The following COL5A1 variants were observed in gnomAD, a reference collection of about 807,000 sequenced individuals.
COL5A1 encodes collagen alpha-1(V) chain.
COL5A1 carries 16 observed loss-of-function variants against 263.7 expected under a neutral mutation model. The observed-to-expected ratio is 0.06, with a 90% CI of 0.04 to 0.09. The LOEUF is 0.09. COL5A1 is among the 10% of genes least tolerant of loss of function. The pLI, the probability that COL5A1 is intolerant of heterozygous loss-of-function variation, is 1.00. For missense variants in COL5A1, 2,036 were observed against 2,540.5 expected (o/e 0.80, Z 4.27); for synonymous variants, 1,012 against 1,004.5 (o/e 1.01, Z -0.14).
chr9:134,690,264 G>A (rs1007623457), intron 1 of COL5A1, among the ~76,000 whole-genome samples: 2 of 152,096 alleles, frequency 1.3e-5, no homozygotes, highest in African/African-American at 2.4e-5. Context: ...CTGCACACCC[G>A]CTGTAAACGG....
At chr9:134,751,548 G>A (rs566695536) in intron 13 of COL5A1, among the ~76,000 whole-genome samples, 2 of 152,258 alleles carry the variant, frequency 1.3e-5, no homozygotes, top group East Asian at 1.9e-4. Flanking sequence ...AGCAGGGTCC[G>A]CAGAGGAGCA....
In COL5A1 at chr9:134,842,546, C is replaced by A; in HGVS notation, c.*243C>A. 1 of 599,388 alleles carries A rather than the reference C, an allele frequency of 1.7e-6. No individual in the cohort carries two copies. Among genetic ancestry groups the A allele is most frequent in the East Asian group, 2.8e-5 (1 of 35,326 alleles). The allele number at this position is 599,388 out of a possible 1,614,324, so 37.1% of individuals were successfully genotyped here. A position where few individuals can be genotyped will look rare whatever the true frequency, so the allele number is the denominator to read the frequency against. On this transcript the variant is annotated 3_prime_UTR_variant, in exon 66 of 66. Transcript: ENST00000371817. The surrounding 1 kb of genome is among the most constrained non-coding windows in gnomAD (Gnocchi z 5.8). ...CTAGCTGCACCCCAGCGCCTGGGCC[C>A]GCCCCACGCTCTGTCCACACCCACG...
intron 1 of COL5A1, among the ~76,000 whole-genome samples, chr9:134,683,636 C>T (rs555918415): frequency 5.9e-5 from 9 of 152,336 alleles, no homozygotes; most frequent in African/African-American, 1.9e-4. Flanking sequence ...TCAGCAAACA[C>T]GGCTGAGTGC....
At chr9:134,719,421 C>A (rs527309886) in intron 4 of COL5A1, among the ~76,000 whole-genome samples, 1 of 152,234 alleles carries the variant, frequency 6.6e-6, no homozygotes, top group Non-Finnish European at 1.5e-5. Context: ...GACACATGCA[C>A]GCACACGTAT....
At chr9:134,771,592 T>A (rs1300254749) in intron 25 of COL5A1, among the ~76,000 whole-genome samples, 1 of 152,212 alleles carries the variant, frequency 6.6e-6, no homozygotes, top group African/African-American at 2.4e-5. Context: ...AACTTAAAAG[T>A]CACACACGAA....
chr9:134,803,174 C>T (rs563344911), intron 39 of COL5A1, among the ~76,000 whole-genome samples, 179 bp downstream of exon 39: 27 of 152,310 alleles, frequency 1.8e-4, no homozygotes, highest in Admixed American at 1.5e-3. Flanking sequence ...CTCCAGGAGT[C>T]GCGCTGACCT....
intron 1 of COL5A1, among the ~76,000 whole-genome samples, chr9:134,690,398 T>A (rs1243553137): frequency 6.6e-6 from 1 of 152,142 alleles, no homozygotes; most frequent in Non-Finnish European, 1.5e-5. Context: ...GCAGGGCAGA[T>A]GTTGTGACCC....
rs558050636 is a variant in COL5A1 at position 134,741,631 on chromosome 9, G to T, written c.1494+2823G>T. ...CAGGAGGGTGGGGTGGGAGGAGGGG[G>T]TAATGCCCTGCTTTTAGGCAGAAGA... On this transcript the variant is annotated intron_variant, in intron 11 of 65. Coordinates refer to ENST00000371817, the MANE Select transcript of COL5A1 (RefSeq NM_000093.5). This position sits in a 1 kb window ranked among gnomAD's most constrained non-coding sequence, Gnocchi z 4.5. Among the ~76,000 whole-genome samples, 62 of 152,224 alleles carry T rather than the reference G, an allele frequency of 4.1e-4. No individual in the cohort carries two copies. Among genetic ancestry groups the T allele is most frequent in the African/African-American group, 1.5e-3 (62 of 41,522 alleles).
intron 26 of COL5A1, among the ~76,000 whole-genome samples, chr9:134,774,156 C>G (rs994917469): frequency 7.9e-5 from 12 of 152,246 alleles, no homozygotes; most frequent in African/African-American, 2.9e-4. Context: ...TCCTGAGTTC[C>G]TCTATGTGCC....
intron 4 of COL5A1, among the ~76,000 whole-genome samples, chr9:134,704,980 A>G (rs1833791261): frequency 6.6e-6 from 1 of 152,202 alleles, no homozygotes; most frequent in Non-Finnish European, 1.5e-5. Flanking sequence ...TGGCTGCTCT[A>G]GAAGGCTCTA....
chr9:134,777,936 C>T (rs1157970725), intron 27 of COL5A1, among the ~76,000 whole-genome samples: 9 of 152,250 alleles, frequency 5.9e-5, no homozygotes, highest in South Asian at 2.1e-4. Flanking sequence ...GCCACACCTG[C>T]GATTTTCCTG....
chr9:134,747,125 A>G (rs532110075), intron 11 of COL5A1, among the ~76,000 whole-genome samples: 1 of 152,332 alleles, frequency 6.6e-6, no homozygotes, highest in African/African-American at 2.4e-5. Context: ...GGAAGGGTTC[A>G]TGGGGGTGGC....
At chr9:134,784,930 G>A in intron 29 of COL5A1, 59 bp from the exon 30 acceptor site, 1 of 1,312,846 alleles carries the variant, frequency 7.6e-7, no homozygotes, top group Admixed American at 1.7e-5. Context: ...CAGAATGGTG[G>A]TGGAGAATAG....
Position 134,804,756 on chromosome 9 carries a change from G to A in COL5A1, c.3115-219G>A, listed in dbSNP as rs189025205. On this transcript the variant is annotated intron_variant, in intron 39 of 65. Coordinates refer to ENST00000371817, the MANE Select transcript of COL5A1 (RefSeq NM_000093.5). Reference sequence around the variant, plus strand: ...ACCCAAGTCCAGGAGTGTCTGATGAGAAGGCCCCGACCCTTGGCCTTGCTC... The same window carrying A: ...ACCCAAGTCCAGGAGTGTCTGATGAAAAGGCCCCGACCCTTGGCCTTGCTC... Among the ~76,000 whole-genome samples, 10 of 152,344 alleles carry A rather than the reference G, an allele frequency of 6.6e-5. No individual in the cohort carries two copies. The East Asian group carries it at 1.7e-3, about 27-fold the overall frequency.
At chr9:134,699,354 T>C (rs1258282684) in intron 2 of COL5A1, among the ~76,000 whole-genome samples, 1 of 152,238 alleles carries the variant, frequency 6.6e-6, no homozygotes, top group Non-Finnish European at 1.5e-5. Flanking sequence ...TTTCCACTTT[T>C]TCTCTGTTTT....
At chr9:134,792,836 TGTATGTGTGTGTGCGCACAC>T (rs1837752811) in intron 32 of COL5A1, among the ~76,000 whole-genome samples, 1 of 75,150 alleles carries the variant, frequency 1.3e-5, no homozygotes, top group African/African-American at 4.6e-5. Flanking sequence ...TGTATGCATG[TGTATGTGTGTGTGCGCACAC>T]GTGTGTGTGC....
intron 16 of COL5A1, among the ~76,000 whole-genome samples, chr9:134,756,159 C>G (rs1254956155): frequency 6.6e-6 from 1 of 152,150 alleles, no homozygotes; most frequent in Admixed American, 6.5e-5. Context: ...GCCCCATGGC[C>G]AGTCAGTTGG....
At chr9:134,802,572 G>GCCTGT (rs1838152502) in intron 38 of COL5A1, among the ~76,000 whole-genome samples, 1 of 152,204 alleles carries the variant, frequency 6.6e-6, no homozygotes. Context: ...CCCATCCTTG[G>GCCTGT]CCTGTCCTGT....
chr9:134,759,861 C>T (rs1351917566), intron 18 of COL5A1, among the ~76,000 whole-genome samples: 2 of 88,540 alleles, frequency 2.3e-5, no homozygotes, highest in Admixed American at 1.1e-4. Context: ...CACACCCCCA[C>T]ACTCACACAT....
Sources: gnomAD v4.1 joint callset for allele counts (sites outside exome capture counted in the v4.1 genomes callset) on GRCh38, gnomAD v4.1.1 for gene constraint, Gnocchi (gnomAD v3.1) non-coding constraint, MANE v1.5 for transcripts, NCBI Gene and HGNC (gene_info 2026-07-23, HGNC 2026-07-21) for gene names.